The following USP26 variants were observed in gnomAD, a reference collection of about 807,000 sequenced individuals.
USP26 encodes ubiquitin carboxyl-terminal hydrolase 26.
For missense variants in USP26, 649 were observed against 642.3 expected, an observed-to-expected ratio of 1.01 and a Z score of -0.11; for synonymous variants, 236 against 240.6, an observed-to-expected ratio of 0.98 and a Z score of 0.18.
intron 5 of USP26, among the ~76,000 whole-genome samples, chrX:133,070,110 T>C (rs775926737): frequency 1.9e-4 from 21 of 110,876 alleles, no homozygotes; most frequent in African/African-American, 6.6e-4. Context: ...TCTCCTAAGA[T>C]AAAAATTTAA....
chrX:133,046,036 G>A (rs2067438935), intron 5 of USP26: 1 of 111,627 alleles, frequency 9.0e-6, no homozygotes, highest in Middle Eastern at 4.6e-3. Flanking sequence ...TCCCTGGAAT[G>A]TTTTGGGGTG....
chrX:133,050,697 A>G (rs938211876), intron 5 of USP26, among the ~76,000 whole-genome samples: 3 of 112,111 alleles, frequency 2.7e-5, no homozygotes, highest in Admixed American at 9.5e-5. Flanking sequence ...AAACATCAGA[A>G]GACCACGTGC....
intron 5 of USP26, among the ~76,000 whole-genome samples, chrX:133,033,211 G>T (rs1467416110): frequency 8.9e-6 from 1 of 111,763 alleles, no homozygotes; most frequent in Non-Finnish European, 1.9e-5. Context: ...CTGTTATTAT[G>T]TTTGGTCCCA....
chrX:133,046,629 A>G (rs2067441358), intron 5 of USP26, among the ~76,000 whole-genome samples: 1 of 110,499 alleles, frequency 9.0e-6, no homozygotes, highest in African/African-American at 3.3e-5. Context: ...AGTGTGTGTG[A>G]GACGAGAGAG....
intron 5 of USP26, among the ~76,000 whole-genome samples, chrX:133,073,407 C>A (rs1195542908): frequency 1.8e-5 from 2 of 108,964 alleles, no homozygotes; most frequent in African/African-American, 6.7e-5. Context: ...CTTATTTTGC[C>A]CAATGAGTTC....
intron 4 of USP26, 73 bp from the exon 5 acceptor site, chrX:133,083,844 G>A (rs1322947971): frequency 9.0e-6 from 1 of 111,318 alleles, no homozygotes; most frequent in Admixed American, 9.6e-5. Flanking sequence ...ACTCCTTTGT[G>A]TACTATAAAT....
Position 133,023,257 on chromosome X carries a change from T to A in USP26, c.*2222A>T, listed in dbSNP as rs4830258. On this transcript the variant is annotated 3_prime_UTR_variant, in exon 6 of 6. Coordinates refer to ENST00000511190, the MANE Select transcript of USP26 (RefSeq NM_031907.3). ...AGAATTTCTTCTCACAGGGCAACAA[T>A]GGATTGCAGCCATGATCCTCCCTGT... Among the ~76,000 whole-genome samples the A allele has an allele frequency of 0.36, 39,932 of 110,565 alleles. 6,404 individuals are homozygous for A. The highest frequency in any genetic ancestry group is 0.51 in the Middle Eastern group (107 of 209).
At chrX:133,045,607 A>G (rs1470725138) in intron 5 of USP26, among the ~76,000 whole-genome samples, 1 of 111,648 alleles carries the variant, frequency 9.0e-6, no homozygotes, top group Non-Finnish European at 1.9e-5. Flanking sequence ...ACCCACCGGG[A>G]GGAACGAACA....
chrX:133,087,838 T>A (rs754786737), intron 4 of USP26, among the ~76,000 whole-genome samples: 74 of 110,838 alleles, frequency 6.7e-4, no homozygotes, highest in Admixed American at 1.9e-4. Flanking sequence ...AAAACATGAG[T>A]GTGGAGAGAG....
At chrX:133,031,710 T>C (rs2067377191) in intron 5 of USP26, among the ~76,000 whole-genome samples, 1 of 111,879 alleles carries the variant, frequency 8.9e-6, no homozygotes, top group African/African-American at 3.3e-5. Flanking sequence ...AAGCATTACA[T>C]TAAGCTTTAG....
chrX:133,047,307 A>G (rs1368674317), intron 5 of USP26, among the ~76,000 whole-genome samples: 1 of 111,997 alleles, frequency 8.9e-6, no homozygotes, highest in Non-Finnish European at 1.9e-5. Flanking sequence ...TCCAAACCTA[A>G]TAGTATGTCT....
chrX:133,043,909 A>G (rs920818026), intron 5 of USP26, among the ~76,000 whole-genome samples: 5 of 111,686 alleles, frequency 4.5e-5, no homozygotes, highest in African/African-American at 1.6e-4. Context: ...AACAAAACAA[A>G]AAACTTCCAA....
chrX:133,095,257 T>A (rs1001638040), intron 1 of USP26, among the ~76,000 whole-genome samples: 2 of 111,557 alleles, frequency 1.8e-5, no homozygotes, highest in Non-Finnish European at 3.8e-5. Flanking sequence ...GACCCACATT[T>A]AATGGAATAA....
chrX:133,096,220 C>T (rs973560747), intron 1 of USP26, among the ~76,000 whole-genome samples: 1 of 108,677 alleles, frequency 9.2e-6, no homozygotes, highest in African/African-American at 3.4e-5. Flanking sequence ...GTTTGTAAAA[C>T]ATCAACTGCA....
chrX:133,043,976 T>G (rs1371651249), intron 5 of USP26, among the ~76,000 whole-genome samples: 1 of 110,894 alleles, frequency 9.0e-6, no homozygotes, highest in Non-Finnish European at 1.9e-5. Flanking sequence ...CAAAAAGAAG[T>G]AAGTCCACAA....
rs1212489122 is a variant in USP26, at chrX:133,024,278, T to C, written c.*1201A>G. On this transcript the variant is annotated 3_prime_UTR_variant, in exon 6 of 6. Transcript: ENST00000511190. ...CACCACACTATAAGGTACAGAGATG[T>C]AAAAAAAAAAAAAAAATCTGGAATT... 1.0e-5 allele frequency among the ~76,000 whole-genome samples: 1 copy of C among 95,647 alleles called. No homozygotes were observed. Among genetic ancestry groups the C allele is most frequent in the South Asian group, 4.6e-4 (1 of 2,152 alleles). The allele number at this position is 95,647 out of a possible 115,157, so 83.1% of individuals were successfully genotyped here.
At chrX:133,087,265 AC>A (rs1891260184) in intron 4 of USP26, among the ~76,000 whole-genome samples, 1 of 112,263 alleles carries the variant, frequency 8.9e-6, no homozygotes. Context: ...GTGAGGACTT[AC>A]TGTACTTACT....
At chrX:133,039,779 T>A (rs776293349) in intron 5 of USP26, among the ~76,000 whole-genome samples, 4 of 111,667 alleles carry the variant, frequency 3.6e-5, no homozygotes, top group Non-Finnish European at 5.6e-5. Flanking sequence ...CCGTCTAATA[T>A]CGACAGTGGT....
At chrX:133,035,558 G>C (rs1201845810) in intron 5 of USP26, among the ~76,000 whole-genome samples, 1 of 111,772 alleles carries the variant, frequency 8.9e-6, no homozygotes, top group East Asian at 2.8e-4. Flanking sequence ...AAAATGTTTT[G>C]TCCATATTTT....
Sources: gnomAD v4.1 joint callset for allele counts (sites outside exome capture counted in the v4.1 genomes callset) on GRCh38, gnomAD v4.1.1 for gene constraint, MANE v1.5 for transcripts, NCBI Gene and HGNC (gene_info 2026-07-23, HGNC 2026-07-21) for gene names.